PTPRJ: variants seen among roughly 807,000 people sequenced by gnomAD.
PTPRJ encodes receptor-type tyrosine-protein phosphatase eta.
In PTPRJ, 129 loss-of-function variants were observed where a neutral mutation model predicts 141.3. The ratio of observed to expected loss-of-function variants is 0.91; its 90% CI spans 0.79 to 1.06. The LOEUF is 1.06. PTPRJ is among the 50% of genes least tolerant of loss of function. The pLI is 0.00. For synonymous variants in PTPRJ, 610 were observed against 640.5 expected (o/e 0.95, Z 0.72); for missense variants, 1,601 against 1,679.7 (o/e 0.95, Z 0.82).
At chr11:47,990,342 C>T (rs79789354) in intron 1 of PTPRJ, among the ~76,000 whole-genome samples, 2,675 of 152,220 alleles carry the variant, frequency 0.018, 92 homozygotes, top group African/African-American at 0.061. Context: ...AGAGGTATTC[C>T]ATTTACTGAA....
chr11:48,094,396 G>A (rs559754236), intron 1 of PTPRJ, among the ~76,000 whole-genome samples: 13 of 152,246 alleles, frequency 8.5e-5, no homozygotes, highest in South Asian at 4.2e-4. Flanking sequence ...GATCTTTGTG[G>A]CATAAATTAA....
intron 1 of PTPRJ, among the ~76,000 whole-genome samples, chr11:48,015,368 C>G (rs1344934125): frequency 6.6e-6 from 1 of 151,892 alleles, no homozygotes; most frequent in Non-Finnish European, 1.5e-5. Context: ...TGTGGCCCAT[C>G]TTGACACTTC....
chr11:48,080,683 CAA>C (rs1855534077), intron 1 of PTPRJ, among the ~76,000 whole-genome samples: 1 of 152,180 alleles, frequency 6.6e-6, no homozygotes, highest in South Asian at 2.1e-4. Flanking sequence ...CAAAGATCGG[CAA>C]AGATAGGGAA....
chr11:47,986,123 G>A (rs990935430), intron 1 of PTPRJ, among the ~76,000 whole-genome samples: 3 of 152,054 alleles, frequency 2.0e-5, no homozygotes, highest in African/African-American at 7.2e-5. Context: ...CCTTTATTTT[G>A]GGTTCTTTGT....
chr11:48,152,238 A>T (rs945077450), intron 18 of PTPRJ, among the ~76,000 whole-genome samples: 1 of 152,168 alleles, frequency 6.6e-6, no homozygotes, highest in African/African-American at 2.4e-5. Flanking sequence ...GGCTGCATAA[A>T]TGTCTTCTTT....
At position 48,139,697 on chromosome 11, in the gene PTPRJ, G is replaced by A. The variant is rs774412163; in HGVS notation, c.2364G>A (p.Ser788=). The change falls in exon 11 of 25, where the codon TCG becomes TCA. Residue 788 remains serine, a synonymous_variant. Coordinates refer to ENST00000418331, the MANE Select transcript of PTPRJ (RefSeq NM_002843.4). ...TCACGTATTTGAATTTTTCTACCTC[G>A]TACAACATCAGCATCACCACTGTGT... is the stretch of plus-strand genomic sequence containing the variant. The part of the protein sequence containing the change: ...TEVTYLNFST[S]YNISITTVSC... 13 of 1,613,942 alleles carry A rather than the reference G, an allele frequency of 8.1e-6. No homozygotes were observed. Among genetic ancestry groups the A allele is most frequent in the South Asian group, 5.5e-5 (5 of 91,078 alleles).
rs752491395 is a variant in PTPRJ, at chr11:48,130,454, C to T, written c.1358-5C>T. 1.0e-5 allele frequency: 16 copies of T among 1,606,144 alleles called. No homozygotes were observed. The highest frequency in any genetic ancestry group is 1.7e-5 in the Admixed American group (1 of 59,296). Reference sequence around the variant, plus strand: ...TTAATCTAGTTGTTTACTTTCTTTGCATAGCCCCTGTTCCAGTTTCTGACT... The same window carrying T: ...TTAATCTAGTTGTTTACTTTCTTTGTATAGCCCCTGTTCCAGTTTCTGACT... On this transcript the variant is annotated splice_region_variant and splice_polypyrimidine_tract_variant and intron_variant, in intron 7 of 24. Transcript: ENST00000418331.
intron 1 of PTPRJ, among the ~76,000 whole-genome samples, chr11:48,082,107 C>T (rs536232845): frequency 1.3e-5 from 2 of 152,318 alleles, no homozygotes; most frequent in East Asian, 1.9e-4. Context: ...ACCTACTAAG[C>T]GTCAGTCCCA....
intron 1 of PTPRJ, among the ~76,000 whole-genome samples, chr11:48,088,440 G>A (rs61915873): frequency 0.03 from 4,633 of 152,228 alleles, 105 homozygotes; most frequent in Non-Finnish European, 0.046. Flanking sequence ...GTGCTGTACC[G>A]GACTCTCCTG....
intron 1 of PTPRJ, among the ~76,000 whole-genome samples, chr11:48,106,462 G>A (rs1007284340): frequency 6.6e-6 from 1 of 152,184 alleles, no homozygotes; most frequent in Non-Finnish European, 1.5e-5. Context: ...GTACAGAAGC[G>A]GGGAAGTCAA....
In PTPRJ at chr11:48,073,672, T is replaced by TA. The variant is rs1013154019; in HGVS notation, c.97-36374dup. Among the ~76,000 whole-genome samples the TA allele has an allele frequency of 8.3e-3, 1,209 of 146,132 alleles. 6 individuals are homozygous for TA. Among genetic ancestry groups the TA allele is most frequent in the Admixed American group, 0.013 (185 of 14,618 alleles). ...CAATTCCCTTGATCGGTTTTTCCTT[T>TA]AAAAAAAAAAAAGATATTTGACATC... is the stretch of plus-strand genomic sequence containing the variant. On this transcript the variant is annotated intron_variant, in intron 1 of 24. Coordinates refer to ENST00000418331, the MANE Select transcript of PTPRJ (RefSeq NM_002843.4).
chr11:48,130,592 A>G lies in PTPRJ; in HGVS notation c.1491A>G (p.Glu497=). ...AGGGAGCTGGCAATTCTCGGGTAGAAATAACCACCAACCAAAGTATTATCA... is the reference window on the plus strand; with the variant it reads ...AGGGAGCTGGCAATTCTCGGGTAGAGATAACCACCAACCAAAGTATTATCA... ...TQEGAGNSRV[E]ITTNQSIIIG... Residue 497 remains glutamate, a synonymous_variant, in exon 8 of 25, where the codon GAA becomes GAG. Transcript: ENST00000418331. 1.9e-6 allele frequency: 3 copies of G among 1,614,140 alleles called. No homozygotes were observed. Among genetic ancestry groups the G allele is most frequent in the Non-Finnish European group, 2.5e-6 (3 of 1,180,034 alleles).
intron 1 of PTPRJ, among the ~76,000 whole-genome samples, chr11:48,041,098 T>A (rs1325632755): frequency 6.6e-6 from 1 of 152,038 alleles, no homozygotes; most frequent in African/African-American, 2.4e-5. Context: ...CCTGAGTACA[T>A]CCTCTTTCTG....
chr11:48,120,675 G>T (rs931040798), intron 3 of PTPRJ, among the ~76,000 whole-genome samples: 1 of 151,984 alleles, frequency 6.6e-6, no homozygotes, highest in African/African-American at 2.4e-5. Context: ...CTGACCTCAG[G>T]TGATCCACCC....
At chr11:48,091,528 C>T (rs1026814145) in intron 1 of PTPRJ, among the ~76,000 whole-genome samples, 1 of 152,180 alleles carries the variant, frequency 6.6e-6, no homozygotes, top group African/African-American at 2.4e-5. Flanking sequence ...GGAGAAGTCA[C>T]CTACCCAGCT....
intron 1 of PTPRJ, among the ~76,000 whole-genome samples, chr11:48,093,426 A>T (rs968978861): frequency 1.3e-5 from 2 of 152,220 alleles, no homozygotes; most frequent in African/African-American, 4.8e-5. Flanking sequence ...GTGACCATCC[A>T]TGTGCTGCTT....
At chr11:48,046,723 C>T (rs1431322029) in intron 1 of PTPRJ, among the ~76,000 whole-genome samples, 2 of 151,816 alleles carry the variant, frequency 1.3e-5, no homozygotes, top group African/African-American at 4.8e-5. Flanking sequence ...TTCCCCTGTG[C>T]TTCCCCCCTA....
At chr11:48,163,919 A>G (rs1857848200) in intron 23 of PTPRJ, among the ~76,000 whole-genome samples, 1 of 152,238 alleles carries the variant, frequency 6.6e-6, no homozygotes, top group Non-Finnish European at 1.5e-5. Flanking sequence ...AGTGACAGAA[A>G]GAGACCATAT....
At chr11:48,027,610 A>G (rs1247568320) in intron 1 of PTPRJ, among the ~76,000 whole-genome samples, 1 of 151,538 alleles carries the variant, frequency 6.6e-6, no homozygotes, top group Non-Finnish European at 1.5e-5. Context: ...GGCCAGTGTG[A>G]TGAAACCCTG....
Sources: allele counts gnomAD v4.1 joint callset (sites outside exome capture counted in the v4.1 genomes callset), GRCh38; gene constraint gnomAD v4.1.1; transcripts MANE v1.5; gene names NCBI Gene and HGNC (gene_info 2026-07-23, HGNC 2026-07-21).